NUCKS1: variants seen among roughly 807,000 people sequenced by gnomAD.
The protein encoded by NUCKS1 is nuclear ubiquitous casein and cyclin-dependent kinase substrate 1.
A neutral mutation model predicts 33.0 loss-of-function variants in NUCKS1; 2 were observed. The ratio of observed to expected loss-of-function variants is 0.06; its 90% CI spans 0.02 to 0.19. The LOEUF is 0.19. Ranked by LOEUF, NUCKS1 falls within the 10% of genes least tolerant of loss-of-function variation. The pLI, the probability that NUCKS1 is intolerant of heterozygous loss-of-function variation, is 1.00. For synonymous variants in NUCKS1, 106 were observed against 102.8 expected, an observed-to-expected ratio of 1.03 and a Z score of -0.19; for missense variants, 201 against 293.6, an observed-to-expected ratio of 0.68 and a Z score of 2.31.
rs144468699 is a variant in NUCKS1 at position 205,743,205 on chromosome 1, A to T, written c.17+6752T>A. Among the ~76,000 whole-genome samples the T allele has an allele frequency of 2.8e-3, 419 of 152,292 alleles. 3 individuals carry two copies. Among genetic ancestry groups the T allele is most frequent in the Non-Finnish European group, 5.2e-3 (357 of 68,028 alleles). ...AGGCCAAAAAAACCCCAAAAACCAAAAACTTTTATTCAAAATTAGCTTTCT... is the reference window on the plus strand; with the variant it reads ...AGGCCAAAAAAACCCCAAAAACCAATAACTTTTATTCAAAATTAGCTTTCT... On this transcript the variant is annotated intron_variant, in intron 1 of 6. Coordinates refer to ENST00000367142, the MANE Select transcript of NUCKS1 (RefSeq NM_022731.5).
At chr1:205,749,472 G>A (rs925289140) in intron 1 of NUCKS1, among the ~76,000 whole-genome samples, 4 of 152,116 alleles carry the variant, frequency 2.6e-5, no homozygotes, top group Non-Finnish European at 4.4e-5. Flanking sequence ...CCGCTACAGA[G>A]AGGGCTCAGG....
At chr1:205,741,512 A>G (rs1431318789) in intron 1 of NUCKS1, among the ~76,000 whole-genome samples, 1 of 152,128 alleles carries the variant, frequency 6.6e-6, no homozygotes, top group Non-Finnish European at 1.5e-5. Context: ...GTAGAGTCCC[A>G]TGGTCTTGGA....
At chr1:205,748,856 G>A (rs1459156949) in intron 1 of NUCKS1, among the ~76,000 whole-genome samples, 2 of 152,184 alleles carry the variant, frequency 1.3e-5, no homozygotes, top group Non-Finnish European at 2.9e-5. Flanking sequence ...ATGCAAAGAA[G>A]CCAATTCCTT....
intron 6 of NUCKS1, among the ~76,000 whole-genome samples, chr1:205,719,069 C>G (rs1484498010): frequency 6.6e-6 from 1 of 152,182 alleles, no homozygotes; most frequent in Non-Finnish European, 1.5e-5. Context: ...AAAATCAACT[C>G]ATGTCATCAA....
At chr1:205,741,169 G>A (rs1376684835) in intron 1 of NUCKS1, among the ~76,000 whole-genome samples, 2 of 147,334 alleles carry the variant, frequency 1.4e-5, no homozygotes, top group Non-Finnish European at 1.5e-5. Flanking sequence ...GCGTGGTGGC[G>A]GGCGCCTGTA....
intron 5 of NUCKS1, 116 bp downstream of exon 5, chr1:205,720,385 A>T: frequency 1.0e-6 from 1 of 973,044 alleles, no homozygotes; most frequent in Non-Finnish European, 1.5e-6. Flanking sequence ...CGGAGTATCT[A>T]CCCAATTTAA....
chr1:205,722,200 C>A (rs6680138), intron 4 of NUCKS1, among the ~76,000 whole-genome samples: 1 of 152,042 alleles, frequency 6.6e-6, no homozygotes, highest in Non-Finnish European at 1.5e-5. Context: ...CTCATCCTCC[C>A]GAGTAGCTAG....
chr1:205,714,279 T>A lies in NUCKS1; in HGVS notation c.*4001A>T, dbSNP rs531126009. 5 of 151,652 alleles carry A rather than the reference T, an allele frequency of 3.3e-5. No homozygotes were observed. The East Asian group carries it at 9.7e-4, about 29-fold the overall frequency. The allele number at this position is 151,652 out of a possible 1,614,324, so 9.4% of individuals were successfully genotyped here. A position where few individuals can be genotyped will look rare whatever the true frequency, so the allele number is the denominator to read the frequency against. On this transcript the variant is annotated 3_prime_UTR_variant, in exon 7 of 7. Coordinates refer to ENST00000367142, the MANE Select transcript of NUCKS1 (RefSeq NM_022731.5). ...CATCAAAAAAGGAACAACAAAAAAA[T>A]CCCAATTTTACCCTCCCCCAATAAT...
chr1:205,737,695 G>A (rs1654064773), intron 1 of NUCKS1, among the ~76,000 whole-genome samples: 1 of 152,226 alleles, frequency 6.6e-6, no homozygotes, highest in African/African-American at 2.4e-5. Context: ...ATTTAAATCA[G>A]TGACAGTTAA....
In NUCKS1 at chr1:205,750,041, G is replaced by A; in HGVS notation, c.-68C>T. On this transcript the variant is annotated 5_prime_UTR_variant, in exon 1 of 7. Coordinates refer to ENST00000367142, the MANE Select transcript of NUCKS1 (RefSeq NM_022731.5). ...GGACCCCCCCCACCCCGCGCGCTCG[G>A]CGCCCCACCCCCCCCGAACTTCAGC... is the stretch of plus-strand genomic sequence containing the variant. 1 of 1,241,850 alleles carries A rather than the reference G, an allele frequency of 8.1e-7. No homozygotes were observed. The highest frequency in any genetic ancestry group is 1.0e-6 in the Non-Finnish European group (1 of 969,518). The allele number at this position is 1,241,850 out of a possible 1,614,324, so 76.9% of individuals were successfully genotyped here.
Position 205,750,158 on chromosome 1 carries a change from G to T in NUCKS1, c.-185C>A. ...GGCTCCTGGAACAGACGAGCCCCCC[G>T]CTCCCCCGTCTCTTCAAAATGGATG... On this transcript the variant is annotated 5_prime_UTR_variant, in exon 1 of 7. Coordinates refer to ENST00000367142, the MANE Select transcript of NUCKS1 (RefSeq NM_022731.5). 3.2e-6 allele frequency: 2 copies of T among 634,764 alleles called. No homozygotes were observed. Among genetic ancestry groups the T allele is most frequent in the East Asian group, 3.0e-5 (1 of 32,956 alleles). The allele number at this position is 634,764 out of a possible 1,614,324, so 39.3% of individuals were successfully genotyped here. A position where few individuals can be genotyped will look rare whatever the true frequency, so the allele number is the denominator to read the frequency against.
At chr1:205,734,040 A>T (rs1653978500) in intron 1 of NUCKS1, among the ~76,000 whole-genome samples, 1 of 152,028 alleles carries the variant, frequency 6.6e-6, no homozygotes, top group Admixed American at 6.6e-5. Flanking sequence ...CTGGCTAATT[A>T]AAAACAATTT....
chr1:205,729,858 C>T (rs1239716505), intron 1 of NUCKS1, among the ~76,000 whole-genome samples: 1 of 151,944 alleles, frequency 6.6e-6, no homozygotes, highest in African/African-American at 2.4e-5. Flanking sequence ...CTTGTCTCTA[C>T]TAAAAACACA....
At chr1:205,730,790 C>T (rs577152788) in intron 1 of NUCKS1, among the ~76,000 whole-genome samples, 3 of 152,198 alleles carry the variant, frequency 2.0e-5, no homozygotes, top group African/African-American at 7.2e-5. Flanking sequence ...GTCTCAAATA[C>T]CATTCTTTTC....
At chr1:205,721,083 G>C (rs913867318) in intron 4 of NUCKS1, among the ~76,000 whole-genome samples, 1 of 151,300 alleles carries the variant, frequency 6.6e-6, no homozygotes, top group African/African-American at 2.4e-5. Context: ...ACACAGGGAG[G>C]GGAACAACAC....
At chr1:205,731,518 C>A (rs922819661) in intron 1 of NUCKS1, among the ~76,000 whole-genome samples, 2 of 152,180 alleles carry the variant, frequency 1.3e-5, no homozygotes, top group Non-Finnish European at 2.9e-5. Flanking sequence ...AGTACCCAAA[C>A]AGCCTACCTG....
At chr1:205,746,478 CACACACACACTA>C (rs748619274) in intron 1 of NUCKS1, among the ~76,000 whole-genome samples, 1,706 of 147,278 alleles carry the variant, frequency 0.012, 18 homozygotes, top group Non-Finnish European at 0.018. Flanking sequence ...CACACACACA[CACACACACACTA>C]GAGAATAAGA....
In NUCKS1 at chr1:205,713,403, A is replaced by G. The variant is rs1671775942; in HGVS notation, c.*4877T>C. The G allele has an allele frequency of 6.6e-6, 1 of 152,218 alleles. No individual in the cohort carries two copies. The highest frequency in any genetic ancestry group is 2.1e-4 in the South Asian group (1 of 4,834). The allele number at this position is 152,218 out of a possible 1,614,324, so 9.4% of individuals were successfully genotyped here. On this transcript the variant is annotated 3_prime_UTR_variant, in exon 7 of 7. Coordinates refer to ENST00000367142, the MANE Select transcript of NUCKS1 (RefSeq NM_022731.5). ...TACAAGCAAAGGATACACATACTTA[A>G]AACAGAGCTCAGGAGCAGACACGCA...
At chr1:205,731,987 C>T (rs1335454155) in intron 1 of NUCKS1, among the ~76,000 whole-genome samples, 1 of 152,028 alleles carries the variant, frequency 6.6e-6, no homozygotes, top group Admixed American at 6.6e-5. Context: ...GATTAAGACA[C>T]CATTTAAATT....
Sources: gnomAD v4.1 joint callset for allele counts (sites outside exome capture counted in the v4.1 genomes callset) on GRCh38, gnomAD v4.1.1 for gene constraint, MANE v1.5 for transcripts, NCBI Gene and HGNC (gene_info 2026-07-23, HGNC 2026-07-21) for gene names.